Variants in DNM2 observed in about 807,000 individuals in gnomAD.
The protein encoded by DNM2 is dynamin-2.
Under a neutral mutation model 99.0 loss-of-function variants are expected in DNM2, and 15 were observed. The ratio of observed to expected loss-of-function variants is 0.15; its 90% confidence interval spans 0.10 to 0.23. The LOEUF (loss-of-function observed/expected upper bound fraction) is 0.23, where lower values mean the gene tolerates loss of function less well. Ranked by LOEUF, DNM2 falls within the 10% of genes least tolerant of loss-of-function variation. The probability of loss-of-function intolerance (pLI) is 1.00; values close to 1 mark genes in which losing one functional copy is unlikely to be tolerated. For missense variants in DNM2, 742 were observed against 1,189.4 expected (o/e 0.62, Z 5.53); for synonymous variants, 525 against 481.2 (o/e 1.09, Z -1.19).
At chr19:10,776,132 C>T (rs1203961059) in intron 4 of DNM2, among the ~76,000 whole-genome samples, 1 of 152,118 alleles carries the variant, frequency 6.6e-6, no homozygotes, top group Non-Finnish European at 1.5e-5. Flanking sequence ...TGGCAGTGCC[C>T]ATGTTGCCAG....
In DNM2 at chr19:10,772,561, C is replaced by T. The variant is rs753345021; in HGVS notation, c.318C>T (p.Asp106=). The T allele has an allele frequency of 1.9e-6, 3 of 1,614,196 alleles. No individual in the cohort carries two copies. In the Admixed American group the frequency reaches 5.0e-5, roughly 27 times the overall value. ...EVRQEIEAET[D]RVTGTNKGIS... Reference sequence around the variant, plus strand: ...GGCAGGAGATTGAAGCAGAGACCGACAGGGTCACGGGGACCAACAAAGGCA... The same window carrying T: ...GGCAGGAGATTGAAGCAGAGACCGATAGGGTCACGGGGACCAACAAAGGCA... The change falls in exon 3 of 21, where the codon GAC becomes GAT. Residue 106 remains aspartate, a synonymous_variant. Transcript: ENST00000389253. This position sits in a 1 kb window ranked among gnomAD's most constrained non-coding sequence, Gnocchi z 4.9.
intron 12 of DNM2, 148 bp from the exon 13 acceptor site, chr19:10,805,768 G>T: frequency 2.2e-6 from 2 of 927,052 alleles, no homozygotes; most frequent in East Asian, 2.6e-5. Flanking sequence ...TTTCCCTTGC[G>T]CAGCTCTGTG....
chr19:10,792,447 G>A (rs945690483), intron 7 of DNM2, among the ~76,000 whole-genome samples: 2 of 152,168 alleles, frequency 1.3e-5, no homozygotes, highest in South Asian at 2.1e-4. Context: ...AAACTAAAAC[G>A]TGAACAAGAT....
chr19:10,735,017 C>T (rs2069471437), intron 1 of DNM2, among the ~76,000 whole-genome samples: 2 of 151,554 alleles, frequency 1.3e-5, no homozygotes, highest in South Asian at 4.2e-4. Context: ...CCCCTCTCTT[C>T]TGTGAATCTT....
At position 10,796,239 on chromosome 19, in the gene DNM2, A is replaced by AACGGGGGT; in HGVS notation, c.1196+809_1196+816dup. 1 of 1,613,304 alleles carries AACGGGGGT rather than the reference A, an allele frequency of 6.2e-7. No individual in the cohort carries two copies. The highest frequency in any genetic ancestry group is 8.5e-7 in the Non-Finnish European group (1 of 1,179,910). On this transcript the variant is annotated intron_variant, in intron 9 of 20. Transcript: ENST00000389253. The surrounding 1 kb of genome is among the most constrained non-coding windows in gnomAD (Gnocchi z 5.6). ...GCAGGGTGACTCCTGACCTTGTGGA[A>AACGGGGGT]ACGGGGGTACGGGGGTTTGGTATCA... is the stretch of plus-strand genomic sequence containing the variant.
At chr19:10,828,027 G>A (rs184454386) in intron 18 of DNM2, among the ~76,000 whole-genome samples, 3 of 152,276 alleles carry the variant, frequency 2.0e-5, no homozygotes, top group Admixed American at 1.3e-4. Flanking sequence ...GCTCACTCAC[G>A]CCTGTAATCC....
chr19:10,750,605 T>G (rs780491939), intron 1 of DNM2, among the ~76,000 whole-genome samples: 4 of 152,146 alleles, frequency 2.6e-5, no homozygotes, highest in African/African-American at 4.8e-5. Flanking sequence ...GTGCTGCTGA[T>G]GCAGCCTGGG....
rs2071912294 is a variant in DNM2, at chr19:10,795,844, C to G, written c.1196+405C>G. The G allele has an allele frequency of 1.4e-6, 1 of 690,752 alleles. No homozygotes were observed. Among genetic ancestry groups the G allele is most frequent in the South Asian group, 1.7e-5 (1 of 58,370 alleles). The allele number at this position is 690,752 out of a possible 1,614,324, so 42.8% of individuals were successfully genotyped here. On this transcript the variant is annotated intron_variant, in intron 9 of 20. Transcript: ENST00000389253. This position sits in a 1 kb window ranked among gnomAD's most constrained non-coding sequence, Gnocchi z 4.2. ...GAGCCTCTTGGGTCCCCTCCTTATTCTAACAAAGGTAGTTGCTCCAGGTGT... is the reference window on the plus strand; with the variant it reads ...GAGCCTCTTGGGTCCCCTCCTTATTGTAACAAAGGTAGTTGCTCCAGGTGT...
chr19:10,726,222 A>AC (rs2069111296), intron 1 of DNM2, among the ~76,000 whole-genome samples: 1 of 105,744 alleles, frequency 9.5e-6, no homozygotes, highest in Non-Finnish European at 1.9e-5. Context: ...CTGCCTCAAA[A>AC]AAAAAAAATT....
At position 10,831,077 on chromosome 19, in the gene DNM2, C is replaced by G. The variant is rs2146214457; in HGVS notation, c.*30C>G. Reference sequence around the variant, plus strand: ...CGAGGGGGGCGTGCTCTCGGGGGGGCCTCACGCACCCGCGGCGCAGGAGCT... The same window carrying G: ...CGAGGGGGGCGTGCTCTCGGGGGGGGCTCACGCACCCGCGGCGCAGGAGCT... On this transcript the variant is annotated 3_prime_UTR_variant, in exon 21 of 21. Transcript: ENST00000389253. The surrounding 1 kb of genome is among the most constrained non-coding windows in gnomAD (Gnocchi z 4.3). 1 of 1,575,404 alleles carries G rather than the reference C, an allele frequency of 6.3e-7. No individual in the cohort carries two copies. The highest frequency in any genetic ancestry group is 8.6e-7 in the Non-Finnish European group (1 of 1,160,530).
rs2072181920 is a variant in DNM2, at chr19:10,802,332, C to T, written c.1467C>T (p.Asn489=). ...TTGAGCAGTCCTACATCAACACGAA[C>T]CATGAGGACTTCATCGGGTTTGCCA... ...IDIEQSYINT[N]HEDFIGFANA... The change falls in exon 12 of 21, where the codon AAC becomes AAT. Residue 489 remains asparagine (N), a synonymous_variant. Coordinates refer to ENST00000389253, the MANE Select transcript of DNM2 (RefSeq NM_001005361.3). The T allele has an allele frequency of 6.2e-7, 1 of 1,614,178 alleles. No homozygotes were observed. Among genetic ancestry groups the T allele is most frequent in the Non-Finnish European group, 8.5e-7 (1 of 1,180,026 alleles).
intron 16 of DNM2, among the ~76,000 whole-genome samples, chr19:10,821,843 T>C (rs1475470694): frequency 6.6e-6 from 1 of 152,096 alleles, no homozygotes; most frequent in Non-Finnish European, 1.5e-5. Context: ...AAACCCCGAC[T>C]TCTACTTCTT....
intron 2 of DNM2, among the ~76,000 whole-genome samples, chr19:10,761,610 C>T (rs2070635754): frequency 6.6e-6 from 1 of 152,176 alleles, no homozygotes; most frequent in South Asian, 2.1e-4. Context: ...TAAATACTCT[C>T]ACACTGGGAA....
chr19:10,812,192 C>G lies in DNM2; in HGVS notation c.1558-72C>G, dbSNP rs114867431. On this transcript the variant is annotated intron_variant, in intron 14 of 20. Coordinates refer to ENST00000389253, the MANE Select transcript of DNM2 (RefSeq NM_001005361.3). This position sits in a 1 kb window ranked among gnomAD's most constrained non-coding sequence, Gnocchi z 4.0. Reference sequence around the variant, plus strand: ...CCCTGGCTTCCCACTGAGCTGTGGGCAAGGCTGCTGCGCTGGGGGATGGCT... The same window carrying G: ...CCCTGGCTTCCCACTGAGCTGTGGGGAAGGCTGCTGCGCTGGGGGATGGCT... 1,657 of 1,376,564 alleles carry G rather than the reference C, an allele frequency of 1.2e-3. 19 individuals carry two copies. In the African/African-American group the frequency reaches 0.019, roughly 16 times the overall value. 85.3% of individuals were successfully genotyped at this position (1,376,564 alleles called of 1,614,324 possible). A position where few individuals can be genotyped will look rare whatever the true frequency, so the allele number is the denominator to read the frequency against.
In DNM2 at chr19:10,751,120, A is replaced by G. The variant is rs375707524; in HGVS notation, c.162-8618A>G. ...TTAGTTCCACAGAGAAAAATGAGGC[A>G]TGGGGGGTGGAGGTGGGAGAGGTGT... On this transcript the variant is annotated intron_variant, in intron 1 of 20. Transcript: ENST00000389253. Among the ~76,000 whole-genome samples the G allele has an allele frequency of 9.4e-4, 142 of 150,918 alleles. 2 individuals are homozygous for G. Among genetic ancestry groups the G allele is most frequent in the African/African-American group, 3.4e-3 (141 of 41,280 alleles).
At chr19:10,780,390 C>A (rs533869896) in intron 5 of DNM2, 1 of 152,534 alleles carries the variant, frequency 6.6e-6, no homozygotes, top group African/African-American at 2.4e-5. Flanking sequence ...ATCCTAAGGG[C>A]CTTTGGGGTC....
chr19:10,734,780 A>G (rs1054373207), intron 1 of DNM2, among the ~76,000 whole-genome samples: 2 of 150,138 alleles, frequency 1.3e-5, no homozygotes, highest in African/African-American at 4.9e-5. Context: ...ATACTGAGAA[A>G]TTTTATTTTT....
At chr19:10,759,125 T>G (rs1483463268) in intron 1 of DNM2, among the ~76,000 whole-genome samples, 2 of 152,098 alleles carry the variant, frequency 1.3e-5, no homozygotes, top group Non-Finnish European at 2.9e-5. Flanking sequence ...TTTAGTTTAG[T>G]TTAGTTTAGT....
rs561100177 is a variant in DNM2, at chr19:10,816,558, C to G, written c.1672-3422C>G. ...CACGTGTCCAGATCGGATGGCTCCT[C>G]AAAATGGCTGGGGTGGGGTAGGGTG... is the stretch of plus-strand genomic sequence containing the variant. On this transcript the variant is annotated intron_variant, in intron 15 of 20. Coordinates refer to ENST00000389253, the MANE Select transcript of DNM2 (RefSeq NM_001005361.3). The surrounding 1 kb of genome is among the most constrained non-coding windows in gnomAD (Gnocchi z 4.6). Among the ~76,000 whole-genome samples, 14 of 152,228 alleles carry G rather than the reference C, an allele frequency of 9.2e-5. No homozygotes were observed. The East Asian group carries it at 2.7e-3, about 30-fold the overall frequency.
Sources: gnomAD v4.1 joint callset for allele counts (sites outside exome capture counted in the v4.1 genomes callset) on GRCh38, gnomAD v4.1.1 for gene constraint, Gnocchi (gnomAD v3.1) non-coding constraint, MANE v1.5 for transcripts, NCBI Gene and HGNC (gene_info 2026-07-23, HGNC 2026-07-21) for gene names.